Variants in MICAL3 observed in about 807,000 individuals in gnomAD.
MICAL3 encodes the protein microtubule associated monooxygenase, calponin and LIM domain containing 3.
In MICAL3, 62 loss-of-function variants were observed where a neutral mutation model predicts 207.4. The observed-to-expected ratio is 0.30, with a 90% CI of 0.24 to 0.37. MICAL3 has a LOEUF of 0.37. MICAL3 is among the 10% of genes least tolerant of loss of function. The pLI is 1.00. For missense variants in MICAL3, 2,368 were observed against 2,635.6 expected (o/e 0.90, Z 2.22); for synonymous variants, 1,077 against 1,069.3 (o/e 1.01, Z -0.14).
chr22:17,915,352 A>G (rs1932426384), intron 1 of MICAL3, among the ~76,000 whole-genome samples: 1 of 152,208 alleles, frequency 6.6e-6, no homozygotes, highest in African/African-American at 2.4e-5. Flanking sequence ...GCTGGTTGGT[A>G]GGCCGTACAG....
intron 20 of MICAL3, among the ~76,000 whole-genome samples, chr22:17,833,723 T>C (rs1923056784): frequency 6.6e-6 from 1 of 152,194 alleles, no homozygotes; most frequent in Non-Finnish European, 1.5e-5. Flanking sequence ...GGTAGCACGG[T>C]ATCCAGTGAC....
rs2062015125 is a variant in MICAL3, at chr22:17,808,950, GC to G, written c.5557-14del. On this transcript the variant is annotated splice_polypyrimidine_tract_variant and intron_variant, in intron 28 of 31. Transcript: ENST00000441493. ...GCCGCTGGATGATCTATGACAGACA[GC>G]ACAGACTGAGCACCCGGCTCTCCAG... 1 of 1,547,130 alleles carries G rather than the reference GC, an allele frequency of 6.5e-7. No individual in the cohort carries two copies. The highest frequency in any genetic ancestry group is 1.2e-5 in the South Asian group (1 of 84,058).
Position 17,967,871 on chromosome 22 carries a change from C to T in MICAL3, c.-75+56410G>A, listed in dbSNP as rs927078458. On this transcript the variant is annotated intron_variant, in intron 1 of 31. Coordinates refer to ENST00000441493, the MANE Select transcript of MICAL3 (RefSeq NM_015241.3). ...ACCAGCCTGACCAACATGGTGAAAC[C>T]CTGTCTACTAAAAATACAAAAATTA... Among the ~76,000 whole-genome samples, 3 of 3,204 alleles carry T rather than the reference C, an allele frequency of 9.4e-4. No homozygotes were observed. In the Admixed American group the frequency reaches 0.011, roughly 11 times the overall value. 2.1% of individuals were successfully genotyped at this position (3,204 alleles called of 152,430 possible). A position where few individuals can be genotyped will look rare whatever the true frequency, so the allele number is the denominator to read the frequency against.
chr22:17,797,228 A>G (rs2061885913), intron 29 of MICAL3, among the ~76,000 whole-genome samples: 1 of 152,194 alleles, frequency 6.6e-6, no homozygotes, highest in East Asian at 1.9e-4. Flanking sequence ...GCTCGGAGGT[A>G]CGGGGGCTCA....
chr22:17,979,683 C>A (rs977963146), intron 1 of MICAL3, among the ~76,000 whole-genome samples: 1 of 152,208 alleles, frequency 6.6e-6, no homozygotes, highest in African/African-American at 2.4e-5. Context: ...CCTCCAGCAC[C>A]TTCTCCCAGC....
At chr22:17,869,843 T>A (rs538958909) in intron 17 of MICAL3, among the ~76,000 whole-genome samples, 3 of 152,276 alleles carry the variant, frequency 2.0e-5, no homozygotes, top group African/African-American at 7.2e-5. Flanking sequence ...AAAAAGTTAC[T>A]TAATGGGGTT....
chr22:17,943,851 T>A (rs966480633), intron 1 of MICAL3, among the ~76,000 whole-genome samples: 1 of 152,216 alleles, frequency 6.6e-6, no homozygotes. Flanking sequence ...ATTGTTAAAT[T>A]GGAAAAGGCA....
intron 1 of MICAL3, among the ~76,000 whole-genome samples, chr22:17,909,355 C>A (rs1007541447): frequency 2.6e-5 from 4 of 152,114 alleles, no homozygotes; most frequent in African/African-American, 9.7e-5. Context: ...GAAACCCTAT[C>A]TCTACCAAAA....
chr22:17,921,001 C>T (rs1932788044), intron 1 of MICAL3, among the ~76,000 whole-genome samples: 1 of 152,180 alleles, frequency 6.6e-6, no homozygotes, highest in African/African-American at 2.4e-5. Context: ...AAGATGACTA[C>T]AAAGATGACT....
chr22:17,946,540 T>C (rs1464294837), intron 1 of MICAL3, among the ~76,000 whole-genome samples: 1 of 152,152 alleles, frequency 6.6e-6, no homozygotes, highest in African/African-American at 2.4e-5. Context: ...AGCCCCGGAA[T>C]GTCTCAGCAC....
At chr22:17,927,106 C>T (rs910234806) in intron 1 of MICAL3, among the ~76,000 whole-genome samples, 1 of 152,192 alleles carries the variant, frequency 6.6e-6, no homozygotes, top group Non-Finnish European at 1.5e-5. Flanking sequence ...CCTTCCTCAG[C>T]CCATGGTTGT....
intron 1 of MICAL3, among the ~76,000 whole-genome samples, chr22:17,978,996 CA>C (rs1346042957): frequency 6.7e-6 from 1 of 149,952 alleles, no homozygotes; most frequent in Non-Finnish European, 1.5e-5. Flanking sequence ...GGAAACATGG[CA>C]AAACCCCATC....
At chr22:17,933,701 C>T (rs9618170) in intron 1 of MICAL3, among the ~76,000 whole-genome samples, 7 of 151,718 alleles carry the variant, frequency 4.6e-5, no homozygotes, top group Admixed American at 1.3e-4. Flanking sequence ...TTTTTTGAAA[C>T]GATCAACAAA....
At chr22:18,018,760 CTATCTATCTACACACACACACACA>C (rs1227404617) in intron 1 of MICAL3, among the ~76,000 whole-genome samples, 3 of 141,286 alleles carry the variant, frequency 2.1e-5, no homozygotes, top group Non-Finnish European at 4.4e-5. Flanking sequence ...ATCTATCTAT[CTATCTATCTACACACACACACACA>C]TACACACATA....
chr22:17,834,656 A>G, intron 20 of MICAL3: 1 of 1,010,190 alleles, frequency 9.9e-7, no homozygotes, highest in Non-Finnish European at 1.2e-6. Context: ...GAACACAAGC[A>G]CGGTGGGCGG....
chr22:17,979,343 G>A (rs1418683543), intron 1 of MICAL3, among the ~76,000 whole-genome samples: 1 of 152,034 alleles, frequency 6.6e-6, no homozygotes, highest in African/African-American at 2.4e-5. Context: ...TCAGGAGTTC[G>A]AGACCAGCCT....
intron 29 of MICAL3, 200 bp from the exon 30 acceptor site, chr22:17,791,501 C>A: frequency 1.7e-6 from 1 of 596,712 alleles, no homozygotes; most frequent in Non-Finnish European, 3.0e-6. Flanking sequence ...CGTGTCCTGC[C>A]ATCCCTGTTC....
chr22:17,898,294 C>G (rs1931025950), intron 7 of MICAL3, among the ~76,000 whole-genome samples: 1 of 152,184 alleles, frequency 6.6e-6, no homozygotes, highest in Non-Finnish European at 1.5e-5. Context: ...TGATGTAGTC[C>G]CAGATAATTA....
chr22:17,872,138 G>A, intron 16 of MICAL3, 115 bp from the exon 17 acceptor site: 1 of 847,438 alleles, frequency 1.2e-6, no homozygotes, highest in Non-Finnish European at 1.8e-6. Context: ...GGTCTGCTTT[G>A]AGACAGACTT....
Sources: gnomAD v4.1 joint callset for allele counts (sites outside exome capture counted in the v4.1 genomes callset) on GRCh38, gnomAD v4.1.1 for gene constraint, MANE v1.5 for transcripts, NCBI Gene and HGNC (gene_info 2026-07-23, HGNC 2026-07-21) for gene names.